SPIRE2: variants seen among roughly 807,000 people sequenced by gnomAD.
SPIRE2 encodes the protein protein spire homolog 2.
Under a neutral mutation model 80.7 loss-of-function variants are expected in SPIRE2, and 76 were observed. The observed-to-expected ratio is 0.94, with a 90% CI of 0.78 to 1.14. SPIRE2 has a LOEUF of 1.14. Ranked by LOEUF, SPIRE2 falls within the 50% of genes most tolerant of loss-of-function variation. SPIRE2 has a pLI of 0.00. For synonymous variants in SPIRE2, 535 were observed against 432.6 expected, an observed-to-expected ratio of 1.24 and a Z score of -2.94; for missense variants, 1,196 against 1,015.3, an observed-to-expected ratio of 1.18 and a Z score of -2.42.
chr16:89,835,916 T>G (rs2041444457), intron 1 of SPIRE2, among the ~76,000 whole-genome samples: 1 of 152,140 alleles, frequency 6.6e-6, no homozygotes. Flanking sequence ...GGCTCACACC[T>G]GTAATCCCAG....
chr16:89,838,322 A>G (rs1455007224), intron 1 of SPIRE2, among the ~76,000 whole-genome samples: 2 of 152,220 alleles, frequency 1.3e-5, no homozygotes, highest in Non-Finnish European at 1.5e-5. Flanking sequence ...AGCTGGGACT[A>G]CAGGAACCCA....
chr16:89,828,529 G>C lies in SPIRE2; in HGVS notation c.-22G>C, dbSNP rs978360725. 2.1e-5 allele frequency: 22 copies of C among 1,057,362 alleles called. No individual in the cohort carries two copies. The highest frequency in any genetic ancestry group is 2.3e-5 in the Non-Finnish European group (20 of 878,368). 65.5% of individuals were successfully genotyped at this position (1,057,362 alleles called of 1,614,324 possible). On this transcript the variant is annotated 5_prime_UTR_variant, in exon 1 of 15. Transcript: ENST00000378247. The surrounding 1 kb of genome is among the most constrained non-coding windows in gnomAD (Gnocchi z 5.9). ...CTGCATGGACGCGGGTCCGGCGCGC[G>C]GGAGGCGATGACGGCCCCGCCATGG...
In SPIRE2 at chr16:89,858,076, A is replaced by G. The variant is rs569001572; in HGVS notation, c.1103-262A>G. On this transcript the variant is annotated intron_variant, in intron 7 of 14. Transcript: ENST00000378247. ...TTTTTTTGTATTTTTTAGTAGAGACAGGGTTTCACCATGTTAGCCAGGATG... is the reference window on the plus strand; with the variant it reads ...TTTTTTTGTATTTTTTAGTAGAGACGGGGTTTCACCATGTTAGCCAGGATG... 3.3e-4 allele frequency among the ~76,000 whole-genome samples: 49 copies of G among 149,482 alleles called. No individual in the cohort carries two copies. In the South Asian group the frequency reaches 4.0e-3, roughly 12 times the overall value.
At chr16:89,833,835 G>T (rs1343107124) in intron 1 of SPIRE2, among the ~76,000 whole-genome samples, 1 of 152,176 alleles carries the variant, frequency 6.6e-6, no homozygotes, top group Non-Finnish European at 1.5e-5. Flanking sequence ...GGGGCTGGGA[G>T]CTCCTCCGGG....
intron 3 of SPIRE2, among the ~76,000 whole-genome samples, chr16:89,853,810 G>T (rs1054256321): frequency 4.6e-5 from 7 of 152,190 alleles, no homozygotes; most frequent in Non-Finnish European, 1.0e-4. Flanking sequence ...ACCTTCCCCA[G>T]TTCACAAAGT....
At chr16:89,865,005 T>C (rs1160413808) in intron 12 of SPIRE2, among the ~76,000 whole-genome samples, 2 of 97,254 alleles carry the variant, frequency 2.1e-5, no homozygotes, top group Non-Finnish European at 5.2e-5. Context: ...CTTTTTTTCC[T>C]TTTTTTTTTT....
At position 89,856,187 on chromosome 16, in the gene SPIRE2, G is replaced by A; in HGVS notation, c.1053G>A (p.Lys351=). The A allele has an allele frequency of 6.2e-7, 1 of 1,606,250 alleles. No individual in the cohort carries two copies. Among genetic ancestry groups the A allele is most frequent in the Non-Finnish European group, 8.5e-7 (1 of 1,177,174 alleles). Residue 351 remains lysine, a synonymous_variant, in exon 7 of 15, where the codon AAG becomes AAA. Coordinates refer to ENST00000378247, the MANE Select transcript of SPIRE2 (RefSeq NM_032451.2). ...ATGAGAAGATCCTGGAGGAGATCAA[G>A]CAGGAGCGGAGGCTGCGCCCGGTGC... is the stretch of plus-strand genomic sequence containing the variant. ...SLHEKILEEI[K]QERRLRPVRG...
intron 8 of SPIRE2, 109 bp downstream of exon 8, chr16:89,858,616 C>CTG: frequency 9.1e-7 from 1 of 1,094,332 alleles, no homozygotes; most frequent in Non-Finnish European, 1.2e-6. Context: ...GCGGTGTCTC[C>CTG]TGTCCAGGAG....
intron 12 of SPIRE2, among the ~76,000 whole-genome samples, chr16:89,866,300 T>A (rs933281225): frequency 2.0e-5 from 3 of 152,194 alleles, no homozygotes; most frequent in Non-Finnish European, 4.4e-5. Flanking sequence ...TTGAATTTTT[T>A]TTTTTTATTT....
chr16:89,856,387 C>A, intron 7 of SPIRE2, 151 bp downstream of exon 7: 1 of 699,280 alleles, frequency 1.4e-6, no homozygotes, highest in Non-Finnish European at 2.0e-6. Context: ...TTGAGGCACA[C>A]AGGCTTTTGA....
Position 89,845,383 on chromosome 16 carries a change from C to G in SPIRE2, c.288+18C>G. Reference sequence around the variant, plus strand: ...AAGCCCAGGTACTTTTTAAAAAATTCCAAGTATTACTTGATGTGTGTTAAA... The same window carrying G: ...AAGCCCAGGTACTTTTTAAAAAATTGCAAGTATTACTTGATGTGTGTTAAA... On this transcript the variant is annotated intron_variant, in intron 2 of 14. Coordinates refer to ENST00000378247, the MANE Select transcript of SPIRE2 (RefSeq NM_032451.2). 6.2e-7 allele frequency: 1 copy of G among 1,604,488 alleles called. No individual in the cohort carries two copies. Among genetic ancestry groups the G allele is most frequent in the East Asian group, 2.2e-5 (1 of 44,822 alleles).
Position 89,828,673 on chromosome 16 carries a change from G to A in SPIRE2, c.123G>A (p.Trp41Ter). Residue 41 changes from tryptophan to a stop codon, truncating the protein, a stop_gained, in exon 1 of 15, where the codon TGG becomes TGA. Transcript: ENST00000378247. LOFTEE classifies it high-confidence loss of function. This position sits in a 1 kb window ranked among gnomAD's most constrained non-coding sequence, Gnocchi z 5.9. ...AGCCGCTCAACGAGGAGCAGGCGTGGGCCGTGTGCTTCCAGGGCTGCCGCG... is the reference window on the plus strand; with the variant it reads ...AGCCGCTCAACGAGGAGCAGGCGTGAGCCGTGTGCTTCCAGGGCTGCCGCG... ...YEQPLNEEQA[W>*]AVCFQGCRGL... The A allele has an allele frequency of 7.4e-7, 1 of 1,344,436 alleles. No individual in the cohort carries two copies. Among genetic ancestry groups the A allele is most frequent in the Admixed American group, 2.5e-5 (1 of 39,494 alleles). 83.3% of individuals were successfully genotyped at this position (1,344,436 alleles called of 1,614,324 possible). A position where few individuals can be genotyped will look rare whatever the true frequency, so the allele number is the denominator to read the frequency against.
At chr16:89,842,779 C>A (rs868259620) in intron 1 of SPIRE2, among the ~76,000 whole-genome samples, 5 of 152,346 alleles carry the variant, frequency 3.3e-5, no homozygotes, top group African/African-American at 1.2e-4. Context: ...CAGCTGCAAA[C>A]GTGCTGAACG....
At chr16:89,868,631 G>T (rs1385854193) in intron 13 of SPIRE2, among the ~76,000 whole-genome samples, 2 of 152,054 alleles carry the variant, frequency 1.3e-5, no homozygotes, top group African/African-American at 4.8e-5. Context: ...TGGGAGGCCA[G>T]TGAGGCTGGC....
At chr16:89,835,798 T>A (rs2041442966) in intron 1 of SPIRE2, among the ~76,000 whole-genome samples, 1 of 152,126 alleles carries the variant, frequency 6.6e-6, no homozygotes, top group Non-Finnish European at 1.5e-5. Context: ...TTCTCTGTCC[T>A]CCTCATTCCA....
rs1306611837 is a variant in SPIRE2 at position 89,850,597 on chromosome 16, C to T, written c.582C>T (p.Arg194=). 7.2e-6 allele frequency: 11 copies of T among 1,519,328 alleles called. No homozygotes were observed. Among genetic ancestry groups the T allele is most frequent in the East Asian group, 2.5e-5 (1 of 40,584 alleles). 94.1% of individuals were successfully genotyped at this position (1,519,328 alleles called of 1,614,324 possible). The part of the protein sequence containing the change: ...GAQAHYQAVC[R]ALFVETLELR... ...AGGCGCATTACCAGGCCGTGTGCCG[C>T]GCGCTCTTCGTGGAGACGCTGGAGC... is the stretch of plus-strand genomic sequence containing the variant. Residue 194 remains arginine, a synonymous_variant, in exon 3 of 15, where the codon CGC becomes CGT. Coordinates refer to ENST00000378247, the MANE Select transcript of SPIRE2 (RefSeq NM_032451.2).
At chr16:89,858,040 G>A (rs926785829) in intron 7 of SPIRE2, among the ~76,000 whole-genome samples, 4 of 151,864 alleles carry the variant, frequency 2.6e-5, no homozygotes, top group East Asian at 1.9e-4. Context: ...GTGCCACCAC[G>A]CCTGGCTAAT....
At position 89,856,108 on chromosome 16, in the gene SPIRE2, C is replaced by G. The variant is rs754992040; in HGVS notation, c.979-5C>G. The stretch of plus-strand genomic sequence containing the variant: ...CCCACCGCAGGTCTCGCTTCCCCAC[C>G]GCAGGTCTCTGAGAGGCGGCTGCGC... On this transcript the variant is annotated splice_polypyrimidine_tract_variant and splice_region_variant and intron_variant, in intron 6 of 14. Transcript: ENST00000378247. 2 of 1,611,334 alleles carry G rather than the reference C, an allele frequency of 1.2e-6. No homozygotes were observed. The highest frequency in any genetic ancestry group is 1.7e-6 in the Non-Finnish European group (2 of 1,179,576).
rs574300699 is a variant in SPIRE2 at position 89,833,763 on chromosome 16, G to T, written c.244+4969G>T. On this transcript the variant is annotated intron_variant, in intron 1 of 14. Coordinates refer to ENST00000378247, the MANE Select transcript of SPIRE2 (RefSeq NM_032451.2). ...ACCTGCCTTGGGGAGCAGCACGTGT[G>T]GGTCCAGGCTGCGAATCCCGACCGG... Among the ~76,000 whole-genome samples, 5 of 152,334 alleles carry T rather than the reference G, an allele frequency of 3.3e-5. No individual in the cohort carries two copies. In the East Asian group the frequency reaches 9.6e-4, roughly 29 times the overall value.
Sources: allele counts gnomAD v4.1 joint callset (sites outside exome capture counted in the v4.1 genomes callset), GRCh38; gene constraint gnomAD v4.1.1; non-coding constraint Gnocchi (gnomAD v3.1); transcripts MANE v1.5; gene names NCBI Gene and HGNC (gene_info 2026-07-23, HGNC 2026-07-21).